TDRD1: variants seen among roughly 807,000 people sequenced by gnomAD.
TDRD1 encodes tudor domain containing 1.
In TDRD1, 37 loss-of-function variants were observed where a neutral mutation model predicts 140.6. The ratio of observed to expected loss-of-function variants is 0.26; its 90% CI spans 0.20 to 0.35. TDRD1 has a LOEUF of 0.35. TDRD1 is among the 10% of genes least tolerant of loss of function. The pLI is 1.00. For synonymous variants in TDRD1, 506 were observed against 475.7 expected (o/e 1.06, Z -0.83); for missense variants, 1,243 against 1,393.0 (o/e 0.89, Z 1.71).
chr10:114,211,507 T>C (rs1292839453), intron 13 of TDRD1, among the ~76,000 whole-genome samples: 1 of 152,262 alleles, frequency 6.6e-6, no homozygotes, highest in East Asian at 1.9e-4. Flanking sequence ...TCTGGTTGAC[T>C]CATGCTTGCC....
intron 16 of TDRD1, among the ~76,000 whole-genome samples, chr10:114,214,583 C>T (rs193004574): frequency 5.9e-5 from 9 of 152,202 alleles, no homozygotes; most frequent in South Asian, 2.1e-4. Context: ...ATTAGTGTAA[C>T]GTATAGATAC....
At chr10:114,190,332 G>A (rs996383900) in intron 2 of TDRD1, among the ~76,000 whole-genome samples, 16 of 152,042 alleles carry the variant, frequency 1.1e-4, no homozygotes, top group African/African-American at 3.9e-4. Context: ...ATTGAAATAA[G>A]CCATGTAAAC....
rs890691927 is a variant in TDRD1 at position 114,231,714 on chromosome 10, A to T, written c.*197A>T. 3 of 516,544 alleles carry T rather than the reference A, an allele frequency of 5.8e-6. No individual in the cohort carries two copies. In the African/African-American group the frequency reaches 6.0e-5, roughly 10 times the overall value. The allele number at this position is 516,544 out of a possible 1,614,324, so 32.0% of individuals were successfully genotyped here. A position where few individuals can be genotyped will look rare whatever the true frequency, so the allele number is the denominator to read the frequency against. On this transcript the variant is annotated 3_prime_UTR_variant, in exon 26 of 26. Transcript: ENST00000251864. ...TTCCACCAAATAAATATTACGTAAA[A>T]AATTCATACCAAATCAATGAGAATA...
At chr10:114,206,330 A>G (rs762022252) in exon 11 of TDRD1, 3 of 1,611,454 alleles carry the variant, frequency 1.9e-6, no homozygotes, top group Non-Finnish European at 2.5e-6. Context: ...TGCAGATCAA[A>G]GTGAGTATAG....
chr10:114,223,950 G>A (rs1006690892), intron 21 of TDRD1, among the ~76,000 whole-genome samples: 1 of 152,180 alleles, frequency 6.6e-6, no homozygotes, highest in African/African-American at 2.4e-5. Context: ...TGCTGAGATC[G>A]TTTCAGCCCT....
At chr10:114,224,526 T>G (rs1231601302) in intron 21 of TDRD1, among the ~76,000 whole-genome samples, 1 of 152,202 alleles carries the variant, frequency 6.6e-6, no homozygotes, top group Non-Finnish European at 1.5e-5. Flanking sequence ...TGTTAGGAGC[T>G]TCAAGTCTTC....
intron 13 of TDRD1, 126 bp from the exon 14 acceptor site, chr10:114,211,740 G>T (rs976044026): frequency 3.2e-6 from 3 of 930,384 alleles, no homozygotes; most frequent in Admixed American, 3.3e-5. Context: ...AGTAAACATT[G>T]TTCTATAAGC....
At chr10:114,223,020 A>G (rs1346929900) in intron 21 of TDRD1, among the ~76,000 whole-genome samples, 2 of 152,240 alleles carry the variant, frequency 1.3e-5, no homozygotes, top group Non-Finnish European at 2.9e-5. Flanking sequence ...CAAAGAATTC[A>G]TAGGGTTCCA....
chr10:114,227,325 A>G, intron 23 of TDRD1, 26 bp downstream of exon 23: 1 of 1,483,050 alleles, frequency 6.7e-7, no homozygotes. Context: ...GTTATTAATA[A>G]CAGATGTTAA....
At chr10:114,226,988 C>CT (rs2036475452) in intron 22 of TDRD1, 84 bp from the exon 23 acceptor site, 2 of 759,864 alleles carry the variant, frequency 2.6e-6, no homozygotes, top group Non-Finnish European at 4.3e-6. Context: ...TCCAGTAAGC[C>CT]TTTTGCTTAT....
At chr10:114,206,443 CT>C in intron 11 of TDRD1, 113 bp downstream of exon 11, 1 of 705,682 alleles carries the variant, frequency 1.4e-6, no homozygotes, top group East Asian at 2.7e-5. Flanking sequence ...GATAAACATC[CT>C]ATGAGCAATT....
intron 2 of TDRD1, among the ~76,000 whole-genome samples, chr10:114,190,743 C>T (rs1199986024): frequency 6.6e-6 from 1 of 152,214 alleles, no homozygotes; most frequent in Non-Finnish European, 1.5e-5. Context: ...CTGCCTTGGC[C>T]TCCCAAAGTG....
intron 11 of TDRD1, among the ~76,000 whole-genome samples, chr10:114,208,578 C>T (rs1028939549): frequency 2.0e-5 from 3 of 152,118 alleles, no homozygotes; most frequent in Non-Finnish European, 4.4e-5. Context: ...AGCCCAGCTG[C>T]ACTCAGCCTG....
chr10:114,232,504 CTTTTTTTTTTTT>C (rs140805425), downstream of TDRD1, among the ~76,000 whole-genome samples: 2 of 81,668 alleles, frequency 2.4e-5, no homozygotes, highest in African/African-American at 4.8e-5. Context: ...ACTTGAAAGA[CTTTTTTTTTTTT>C]TTTTTTTTTT....
intron 6 of TDRD1, among the ~76,000 whole-genome samples, chr10:114,202,749 T>C (rs924051050): frequency 1.3e-5 from 2 of 152,242 alleles, no homozygotes; most frequent in Admixed American, 1.3e-4. Context: ...AAAATGTGAC[T>C]TCAGGTATTC....
intron 4 of TDRD1, among the ~76,000 whole-genome samples, chr10:114,200,028 T>C (rs939014637): frequency 1.3e-5 from 2 of 152,238 alleles, no homozygotes; most frequent in South Asian, 4.1e-4. Context: ...AAGAAGCTAC[T>C]AAACCATTTT....
intron 25 of TDRD1, chr10:114,228,197 A>G: frequency 6.7e-7 from 1 of 1,491,092 alleles, no homozygotes. Flanking sequence ...GCATATTGGC[A>G]GGATAGAGCT....
chr10:114,181,410 T>C (rs1164538268), intron 1 of TDRD1, among the ~76,000 whole-genome samples: 2 of 152,230 alleles, frequency 1.3e-5, no homozygotes, highest in African/African-American at 4.8e-5. Context: ...GTCACATTTG[T>C]TTACCTGGGT....
intron 3 of TDRD1, among the ~76,000 whole-genome samples, chr10:114,191,471 A>G (rs934403129): frequency 1.3e-5 from 2 of 152,232 alleles, no homozygotes; most frequent in Admixed American, 6.5e-5. Context: ...ATAAAAGGCT[A>G]CATACAAACA....
Sources: gnomAD v4.1 joint callset for allele counts (sites outside exome capture counted in the v4.1 genomes callset) on GRCh38, gnomAD v4.1.1 for gene constraint, MANE v1.5 for transcripts, NCBI Gene and HGNC (gene_info 2026-07-23, HGNC 2026-07-21) for gene names.